The following RASGRF1 variants were observed in gnomAD, a reference collection of about 807,000 sequenced individuals.
RASGRF1 encodes ras-specific guanine nucleotide-releasing factor 1.
A neutral mutation model predicts 138.7 loss-of-function variants in RASGRF1; 40 were observed. The observed-to-expected ratio is 0.29, with a 90% CI of 0.22 to 0.38. The LOEUF (loss-of-function observed/expected upper bound fraction) is 0.38, where lower values mean the gene tolerates loss of function less well. Ranked by LOEUF, RASGRF1 falls within the 10% of genes least tolerant of loss-of-function variation. RASGRF1 has a pLI of 1.00. For synonymous variants in RASGRF1, 614 were observed against 663.2 expected (o/e 0.93, Z 1.14); for missense variants, 1,108 against 1,650.4 (o/e 0.67, Z 5.69).
intron 24 of RASGRF1, among the ~76,000 whole-genome samples, chr15:78,978,220 GTTTTTTTT>G (rs71148584): frequency 1.6e-5 from 2 of 125,096 alleles, no homozygotes; most frequent in African/African-American, 8.1e-5. Context: ...CTTTTCTTTT[GTTTTTTTT>G]TTTTTTTTTT....
intron 9 of RASGRF1, among the ~76,000 whole-genome samples, chr15:79,025,871 C>G (rs1025186605): frequency 2.7e-5 from 4 of 150,928 alleles, no homozygotes; most frequent in African/African-American, 9.8e-5. Context: ...CTGGGAACTA[C>G]TTAGGGCAAA....
At chr15:79,021,239 G>A (rs967586677) in intron 10 of RASGRF1, among the ~76,000 whole-genome samples, 1 of 152,216 alleles carries the variant, frequency 6.6e-6, no homozygotes, top group Non-Finnish European at 1.5e-5. Context: ...TACATTTGGA[G>A]GTAATTTGTT....
rs147752748 is a variant in RASGRF1, at chr15:78,983,639, G to A, written c.3414+1368C>T. ...TTTACTTGGAATGGGCCCCCAGACT[G>A]TGGCAAGGGCCCTGCCTGAACCTTG... On this transcript the variant is annotated intron_variant, in intron 23 of 26. Transcript: ENST00000558480. 9.6e-4 allele frequency among the ~76,000 whole-genome samples: 147 copies of A among 152,350 alleles called. 1 individual carries two copies. Among genetic ancestry groups the A allele is most frequent in the African/African-American group, 3.5e-3 (144 of 41,578 alleles).
chr15:78,970,439 C>T (rs1422938487), intron 26 of RASGRF1, among the ~76,000 whole-genome samples: 2 of 151,880 alleles, frequency 1.3e-5, no homozygotes, highest in South Asian at 2.1e-4. Context: ...TTCAAAAATG[C>T]AAACTAGTCC....
Position 78,962,032 on chromosome 15 carries a change from A to G in RASGRF1, c.*112T>C. On this transcript the variant is annotated 3_prime_UTR_variant, in exon 27 of 27. Coordinates refer to ENST00000558480, the MANE Select transcript of RASGRF1 (RefSeq NM_001145648.3). Reference sequence around the variant, plus strand: ...GAATCTAAGAACAAGGACGATTTGTATTCTTGGAGAAGCACATACTGAAGA... The same window carrying G: ...GAATCTAAGAACAAGGACGATTTGTGTTCTTGGAGAAGCACATACTGAAGA... 1.4e-6 allele frequency: 1 copy of G among 691,904 alleles called. No homozygotes were observed. 42.9% of individuals were successfully genotyped at this position (691,904 alleles called of 1,614,324 possible).
chr15:78,971,338 A>C (rs77642476), intron 26 of RASGRF1, among the ~76,000 whole-genome samples: 1,565 of 152,294 alleles, frequency 0.01, 30 homozygotes, highest in African/African-American at 0.035. Context: ...GGATGCTTCT[A>C]TTTTAATAGG....
intron 15 of RASGRF1, 38 bp from the exon 16 acceptor site, chr15:79,001,825 T>C (rs1353185676): frequency 2.1e-6 from 2 of 941,102 alleles, no homozygotes; most frequent in African/African-American, 2.0e-5. Context: ...CTTTTCTTAA[T>C]TTTAATTTTA....
chr15:79,035,069 C>A, intron 6 of RASGRF1, 62 bp downstream of exon 6: 1 of 1,433,110 alleles, frequency 7.0e-7, no homozygotes, highest in Admixed American at 2.1e-5. Context: ...CTGCCCCAGG[C>A]TTTTGGGGTG....
At chr15:79,055,077 A>C (rs2057492801) in intron 3 of RASGRF1, among the ~76,000 whole-genome samples, 1 of 152,214 alleles carries the variant, frequency 6.6e-6, no homozygotes, top group Non-Finnish European at 1.5e-5. Context: ...GTGGTGGGGC[A>C]GGCTCAGGCC....
At chr15:78,981,492 A>T (rs906485168) in intron 23 of RASGRF1, 4 of 152,242 alleles carry the variant, frequency 2.6e-5, no homozygotes, top group Non-Finnish European at 5.9e-5. Flanking sequence ...AAACCGCGGG[A>T]GCACAGCGGT....
In RASGRF1 at chr15:78,995,290, CTTT is replaced by C. The variant is rs35098582; in HGVS notation, c.3027+447_3027+449del. On this transcript the variant is annotated intron_variant, in intron 20 of 26. Transcript: ENST00000558480. Reference sequence around the variant, plus strand: ...GAGAGAATACATTTCTTTTTTCTTTCTTTTTTTTTTTTTTTGAGATGGAGTCTC... The same window carrying C: ...GAGAGAATACATTTCTTTTTTCTTTCTTTTTTTTTTTTGAGATGGAGTCTC... 2.3e-3 allele frequency among the ~76,000 whole-genome samples: 305 copies of C among 132,396 alleles called. 3 individuals carry two copies. Among genetic ancestry groups the C allele is most frequent in the African/African-American group, 5.9e-3 (204 of 34,334 alleles). The allele number at this position is 132,396 out of a possible 152,430, so 86.9% of individuals were successfully genotyped here.
Position 78,961,235 on chromosome 15 carries a change from T to G in RASGRF1, c.*909A>C, listed in dbSNP as rs760417733. On this transcript the variant is annotated 3_prime_UTR_variant, in exon 27 of 27. Coordinates refer to ENST00000558480, the MANE Select transcript of RASGRF1 (RefSeq NM_001145648.3). ...AGTATATGCAATAAAAACACTTGGT[T>G]ATTGATTTCCTAATTCTACAGTGTG... The G allele has an allele frequency of 1.2e-4, 19 of 152,250 alleles. No individual in the cohort carries two copies. Among genetic ancestry groups the G allele is most frequent in the African/African-American group, 4.1e-4 (17 of 41,464 alleles). The allele number at this position is 152,250 out of a possible 1,614,324, so 9.4% of individuals were successfully genotyped here. A position where few individuals can be genotyped will look rare whatever the true frequency, so the allele number is the denominator to read the frequency against.
intron 3 of RASGRF1, among the ~76,000 whole-genome samples, chr15:79,055,571 GACAC>G (rs143472188): frequency 1.3e-5 from 2 of 149,482 alleles, no homozygotes; most frequent in Non-Finnish European, 3.0e-5. Flanking sequence ...GCCATTTTGA[GACAC>G]ACACACACAC....
rs764312309 is a variant in RASGRF1 at position 78,998,129 on chromosome 15, G to C, written c.2933C>G (p.Thr978Ser). 9.9e-6 allele frequency: 16 copies of C among 1,614,132 alleles called. No individual in the cohort carries two copies. In the South Asian group the frequency reaches 1.6e-4, roughly 17 times the overall value. Residue 978 changes from threonine (T) to serine (S), a missense_variant, in exon 19 of 27, where the codon ACC becomes AGC. Around this residue, in one of 3 missense-constraint regions of RASGRF1, gnomAD observed 686 missense variants for 976.7 expected, o/e 0.70. Transcript: ENST00000558480. ...GTTGGCTGCAGCCTTCCGCTCCTGG[G>C]TCAGGAGCTCCGGGTCGTGCATGAC... ...EEVMHDPELL[T>S]QERKAAANII...
chr15:79,090,561 C>T lies in RASGRF1; in HGVS notation c.-63G>A, dbSNP rs904651982. 1.3e-6 allele frequency: 2 copies of T among 1,572,898 alleles called. No homozygotes were observed. The highest frequency in any genetic ancestry group is 1.7e-5 in the Admixed American group (1 of 58,598). On this transcript the variant is annotated 5_prime_UTR_variant, in exon 1 of 27. Transcript: ENST00000558480. ...CTTCTCCGCGCAGCAGCCCCCCGTC[C>T]GTGCGCGCTGCGCGCTGCCTCTCTC... is the stretch of plus-strand genomic sequence containing the variant.
chr15:78,971,180 T>C lies in RASGRF1; in HGVS notation c.3681+686A>G, dbSNP rs1459177685. ...AGAGCAGCACAGACCCTGGGATCCATACCCTATGGCCCTCCCTGCCTGTTT... is the reference window on the plus strand; with the variant it reads ...AGAGCAGCACAGACCCTGGGATCCACACCCTATGGCCCTCCCTGCCTGTTT... On this transcript the variant is annotated intron_variant, in intron 26 of 26. Coordinates refer to ENST00000558480, the MANE Select transcript of RASGRF1 (RefSeq NM_001145648.3). Among the ~76,000 whole-genome samples the C allele has an allele frequency of 2.6e-5, 4 of 152,340 alleles. No homozygotes were observed. In the South Asian group the frequency reaches 6.2e-4, roughly 24 times the overall value.
At chr15:79,044,186 A>G (rs892059808) in intron 5 of RASGRF1, among the ~76,000 whole-genome samples, 11 of 152,236 alleles carry the variant, frequency 7.2e-5, no homozygotes, top group African/African-American at 2.7e-4. Context: ...AGACCTGACC[A>G]TGACATTCTC....
At chr15:79,026,765 G>C (rs1567541125) in intron 9 of RASGRF1, among the ~76,000 whole-genome samples, 1 of 152,154 alleles carries the variant, frequency 6.6e-6, no homozygotes, top group South Asian at 2.1e-4. Flanking sequence ...AGGTCCACTT[G>C]GGGTTCCTTC....
chr15:79,028,462 T>C (rs1219881509), intron 8 of RASGRF1, among the ~76,000 whole-genome samples: 1 of 152,174 alleles, frequency 6.6e-6, no homozygotes, highest in Non-Finnish European at 1.5e-5. Context: ...CCTACTTCTG[T>C]AGGCTCTGGC....
Sources: allele counts gnomAD v4.1 joint callset (sites outside exome capture counted in the v4.1 genomes callset), GRCh38; gene constraint gnomAD v4.1.1; regional missense constraint gnomAD v4.1.1; transcripts MANE v1.5; gene names NCBI Gene and HGNC (gene_info 2026-07-23, HGNC 2026-07-21).